The following DENND5A variants were observed in gnomAD, a reference collection of about 807,000 sequenced individuals.
DENND5A encodes the protein DENN domain-containing protein 5A.
In DENND5A, 64 loss-of-function variants were observed where a neutral mutation model predicts 140.3. The ratio of observed to expected loss-of-function variants is 0.46; its 90% confidence interval spans 0.37 to 0.56. The LOEUF (loss-of-function observed/expected upper bound fraction) is 0.56. Ranked by LOEUF, DENND5A falls within the 20% of genes least tolerant of loss-of-function variation. The pLI, the probability that DENND5A is intolerant of heterozygous loss-of-function variation, is 0.00. For missense variants in DENND5A, 1,292 were observed against 1,593.8 expected, an observed-to-expected ratio of 0.81 and a Z score of 3.22; for synonymous variants, 605 against 607.7, an observed-to-expected ratio of 1.00 and a Z score of 0.07.
At chr11:9,188,212 C>T (rs1159017456) in intron 5 of DENND5A, among the ~76,000 whole-genome samples, 1 of 152,166 alleles carries the variant, frequency 6.6e-6, no homozygotes, top group Admixed American at 6.6e-5. Flanking sequence ...GGGAGTTTCC[C>T]TGCAGAAGCT....
intron 6 of DENND5A, among the ~76,000 whole-genome samples, chr11:9,180,282 C>A (rs541547535): frequency 1.3e-5 from 2 of 150,632 alleles, no homozygotes; most frequent in African/African-American, 2.4e-5. Flanking sequence ...TGAGACCCTG[C>A]CTCTACAAAA....
intron 4 of DENND5A, among the ~76,000 whole-genome samples, chr11:9,194,077 G>C (rs1849233461): frequency 6.6e-6 from 1 of 152,168 alleles, no homozygotes; most frequent in South Asian, 2.1e-4. Flanking sequence ...GCAAAAACAT[G>C]CTCAGTTCTC....
intron 1 of DENND5A, among the ~76,000 whole-genome samples, chr11:9,230,608 A>T (rs1254977448): frequency 6.6e-6 from 1 of 152,132 alleles, no homozygotes; most frequent in Non-Finnish European, 1.5e-5. Flanking sequence ...AAGATGGGTG[A>T]GGAAAGGTAT....
intron 16 of DENND5A, chr11:9,146,711 G>A (rs1300458571): frequency 1.9e-5 from 4 of 210,926 alleles, no homozygotes; most frequent in African/African-American, 9.2e-5. Context: ...GGTATGCAGG[G>A]AGGGAGGTAA....
At chr11:9,148,731 ACT>A (rs1847512652) in intron 15 of DENND5A, among the ~76,000 whole-genome samples, 1 of 152,050 alleles carries the variant, frequency 6.6e-6, no homozygotes, top group South Asian at 2.1e-4. Flanking sequence ...TATGGTGAAG[ACT>A]CTGTGAAGCT....
At chr11:9,154,850 A>T (rs962390918) in intron 12 of DENND5A, among the ~76,000 whole-genome samples, 1 of 147,032 alleles carries the variant, frequency 6.8e-6, no homozygotes, top group African/African-American at 2.5e-5. Flanking sequence ...TAAAAAACTT[A>T]AAAAAAAAAA....
chr11:9,264,740 GCCA>G (rs1188688516), intron 1 of DENND5A, among the ~76,000 whole-genome samples: 8 of 152,084 alleles, frequency 5.3e-5, no homozygotes, highest in Admixed American at 5.2e-4. Flanking sequence ...CGAAGACGTG[GCCA>G]CTGCGCAGCG....
At chr11:9,250,698 T>C (rs1851681084) in intron 1 of DENND5A, among the ~76,000 whole-genome samples, 1 of 152,180 alleles carries the variant, frequency 6.6e-6, no homozygotes, top group African/African-American at 2.4e-5. Context: ...AACTACAAAG[T>C]CATTTATAAA....
intron 1 of DENND5A, among the ~76,000 whole-genome samples, chr11:9,243,118 T>TAAAG (rs1478042311): frequency 2.6e-5 from 2 of 77,500 alleles, no homozygotes; most frequent in Non-Finnish European, 5.5e-5. Flanking sequence ...AAAAAAAAAC[T>TAAAG]GAGGCGAGTA....
At chr11:9,143,169 G>T in intron 20 of DENND5A, 2 of 595,318 alleles carry the variant, frequency 3.4e-6, no homozygotes, top group Non-Finnish European at 5.9e-6. Context: ...GTTCACTAGG[G>T]GCCCAGGGAC....
At chr11:9,143,353 TTC>T (rs1847312057) in intron 20 of DENND5A, 48 bp downstream of exon 20, 6 of 1,495,352 alleles carry the variant, frequency 4.0e-6, no homozygotes, top group Non-Finnish European at 5.6e-6. Flanking sequence ...AACAAAATTA[TTC>T]TCTCTTATTC....
At chr11:9,212,685 G>GA (rs1391306064) in intron 1 of DENND5A, among the ~76,000 whole-genome samples, 9 of 151,816 alleles carry the variant, frequency 5.9e-5, no homozygotes, top group African/African-American at 9.7e-5. Context: ...TTTATGAACA[G>GA]AAAAAATATC....
chr11:9,177,053 G>A (rs543176797), intron 8 of DENND5A, among the ~76,000 whole-genome samples: 18 of 151,534 alleles, frequency 1.2e-4, no homozygotes, highest in Admixed American at 2.6e-4. Context: ...CCAAGAGTTC[G>A]AGGCCAGCCT....
chr11:9,156,874 A>T (rs3894660), intron 12 of DENND5A, among the ~76,000 whole-genome samples: 29 of 93,468 alleles, frequency 3.1e-4, no homozygotes, highest in African/African-American at 4.6e-4. Context: ...GATGGATGGA[A>T]GGAAGGAAGG....
intron 18 of DENND5A, 22 bp from the exon 19 acceptor site, chr11:9,144,300 G>A (rs749070858): frequency 2.5e-6 from 4 of 1,612,112 alleles, no homozygotes; most frequent in Admixed American, 1.7e-5. Flanking sequence ...ACAATGGACT[G>A]TCAGAGCAGC....
intron 4 of DENND5A, among the ~76,000 whole-genome samples, chr11:9,195,374 C>T (rs1344124877): frequency 6.6e-6 from 1 of 152,118 alleles, no homozygotes; most frequent in African/African-American, 2.4e-5. Flanking sequence ...CTGCGCTTGG[C>T]CTAAAACTTA....
intron 1 of DENND5A, among the ~76,000 whole-genome samples, chr11:9,244,012 T>A (rs12285199): frequency 0.033 from 5,069 of 152,326 alleles, 294 homozygotes; most frequent in African/African-American, 0.12. Context: ...TTTGTGTTAT[T>A]GGTAAGGTTT....
At chr11:9,223,663 G>A (rs1590298506) in intron 1 of DENND5A, among the ~76,000 whole-genome samples, 1 of 152,156 alleles carries the variant, frequency 6.6e-6, no homozygotes. Context: ...AGGCTACGGT[G>A]AGCTATGATC....
chr11:9,214,066 C>A (rs1849991044), intron 1 of DENND5A, among the ~76,000 whole-genome samples: 1 of 152,156 alleles, frequency 6.6e-6, no homozygotes, highest in Non-Finnish European at 1.5e-5. Flanking sequence ...GGTGACCAAC[C>A]ACGGTCATCA....
Sources: allele counts gnomAD v4.1 joint callset (sites outside exome capture counted in the v4.1 genomes callset), GRCh38; gene constraint gnomAD v4.1.1; transcripts MANE v1.5; gene names NCBI Gene and HGNC (gene_info 2026-07-23, HGNC 2026-07-21).